Variants in FAF1 observed in about 807,000 individuals in gnomAD.
FAF1 encodes FAS-associated factor 1.
FAF1 carries 25 observed loss-of-function variants against 92.5 expected under a neutral mutation model. That is an observed-to-expected ratio of 0.27 (90% CI 0.20 to 0.38). FAF1 has a LOEUF of 0.38. FAF1 is among the 10% of genes least tolerant of loss of function. The pLI, the probability that FAF1 is intolerant of heterozygous loss-of-function variation, is 1.00. For missense variants in FAF1, 636 were observed against 793.3 expected, an observed-to-expected ratio of 0.80 and a Z score of 2.38; for synonymous variants, 234 against 273.2, an observed-to-expected ratio of 0.86 and a Z score of 1.42.
chr1:50,677,110 T>A (rs1043555659), intron 7 of FAF1, among the ~76,000 whole-genome samples: 1 of 152,210 alleles, frequency 6.6e-6, no homozygotes, highest in Non-Finnish European at 1.5e-5. Context: ...GAAAGAATAA[T>A]ATTATTAAGA....
intron 7 of FAF1, among the ~76,000 whole-genome samples, chr1:50,686,271 G>A (rs913890667): frequency 4.6e-5 from 7 of 152,032 alleles, no homozygotes; most frequent in South Asian, 2.1e-4. Flanking sequence ...AGCTGGGCCC[G>A]GTGGCTCATA....
At chr1:50,720,393 C>G (rs1449847247) in intron 6 of FAF1, among the ~76,000 whole-genome samples, 1 of 152,156 alleles carries the variant, frequency 6.6e-6, no homozygotes, top group Non-Finnish European at 1.5e-5. Context: ...TCACAATGTA[C>G]TTGAAATACT....
At chr1:50,795,126 G>A (rs1430571515) in intron 3 of FAF1, among the ~76,000 whole-genome samples, 2 of 152,082 alleles carry the variant, frequency 1.3e-5, no homozygotes, top group Non-Finnish European at 2.9e-5. Flanking sequence ...ACCACAACAT[G>A]GACTGCCCCT....
intron 1 of FAF1, among the ~76,000 whole-genome samples, chr1:50,937,369 AT>A (rs1645096131): frequency 6.6e-6 from 1 of 152,040 alleles, no homozygotes. Flanking sequence ...TAGGACTTAG[AT>A]AAGAGTTAAT....
intron 6 of FAF1, among the ~76,000 whole-genome samples, chr1:50,713,781 T>TA (rs1489569184): frequency 6.7e-6 from 1 of 149,750 alleles, no homozygotes; most frequent in South Asian, 2.2e-4. Context: ...AGCTTTTTTT[T>TA]TTTTTTTTTT....
At chr1:50,455,859 G>C (rs996293243) in intron 18 of FAF1, among the ~76,000 whole-genome samples, 3 of 151,976 alleles carry the variant, frequency 2.0e-5, no homozygotes, top group Admixed American at 1.3e-4. Context: ...CATCACTTGA[G>C]GTCAGGAGTT....
chr1:50,896,778 ATGGT>A (rs1644760771), intron 1 of FAF1, among the ~76,000 whole-genome samples: 1 of 152,206 alleles, frequency 6.6e-6, no homozygotes, highest in Admixed American at 6.5e-5. Flanking sequence ...CCGTCAGACA[ATGGT>A]GTGAGGGGCA....
At chr1:50,619,723 G>A (rs1331982931) in intron 8 of FAF1, among the ~76,000 whole-genome samples, 1 of 151,936 alleles carries the variant, frequency 6.6e-6, no homozygotes, top group Non-Finnish European at 1.5e-5. Context: ...ACATGCCTTG[G>A]GGATGGTCGT....
At chr1:50,561,844 T>A (rs370840376) in intron 13 of FAF1, among the ~76,000 whole-genome samples, 66 of 94,308 alleles carry the variant, frequency 7.0e-4, no homozygotes, top group African/African-American at 1.5e-3. Context: ...GATGGACGGA[T>A]GGACGGAAGG....
intron 4 of FAF1, among the ~76,000 whole-genome samples, chr1:50,774,132 T>A (rs895281196): frequency 6.6e-6 from 1 of 152,200 alleles, no homozygotes; most frequent in South Asian, 2.1e-4. Context: ...AGTTTGCAGG[T>A]AGACTAAACA....
chr1:50,579,318 T>C (rs1325371192), intron 12 of FAF1, among the ~76,000 whole-genome samples: 1 of 152,112 alleles, frequency 6.6e-6, no homozygotes, highest in Non-Finnish European at 1.5e-5. Context: ...TACAGAAGCT[T>C]TGGAAATGGG....
intron 13 of FAF1, among the ~76,000 whole-genome samples, chr1:50,543,054 T>C (rs555800352): frequency 6.6e-6 from 1 of 152,326 alleles, no homozygotes; most frequent in South Asian, 2.1e-4. Context: ...GAATATCTGA[T>C]GGTTAGCATG....
intron 6 of FAF1, among the ~76,000 whole-genome samples, chr1:50,718,889 C>A (rs1021599651): frequency 2.0e-5 from 3 of 152,086 alleles, no homozygotes; most frequent in African/African-American, 7.2e-5. Flanking sequence ...ATTTAAATTT[C>A]CATTCTAAAC....
In FAF1 at chr1:50,839,383, G is replaced by C. The variant is rs1381985877; in HGVS notation, c.114+18546C>G. ...TTTGTTTGATATGCAAAGAAGTCTG[G>C]TATTAATAGACTTTAGTCGCATTTC... is the stretch of plus-strand genomic sequence containing the variant. On this transcript the variant is annotated intron_variant, in intron 2 of 18. Transcript: ENST00000396153. Among the ~76,000 whole-genome samples the C allele has an allele frequency of 3.3e-5, 5 of 152,100 alleles. No individual in the cohort carries two copies. In the South Asian group the frequency reaches 1.0e-3, roughly 32 times the overall value.
chr1:50,738,839 TC>T (rs1460580405), intron 6 of FAF1, 23 bp downstream of exon 6: 23 of 1,451,560 alleles, frequency 1.6e-5, no homozygotes, highest in Non-Finnish European at 2.1e-5. Context: ...CATTTCATGT[TC>T]CCAGGAAATA....
At chr1:50,563,136 G>A (rs1212705844) in intron 13 of FAF1, among the ~76,000 whole-genome samples, 1 of 152,160 alleles carries the variant, frequency 6.6e-6, no homozygotes, top group Non-Finnish European at 1.5e-5. Flanking sequence ...ATCTGCAGGA[G>A]GTCCTGGAAC....
intron 4 of FAF1, among the ~76,000 whole-genome samples, chr1:50,763,107 A>T (rs1414207658): frequency 6.6e-6 from 1 of 152,050 alleles, no homozygotes; most frequent in African/African-American, 2.4e-5. Flanking sequence ...ATACAAAAAA[A>T]TTAGCTGGGG....
At chr1:50,904,934 T>C (rs1046136574) in intron 1 of FAF1, among the ~76,000 whole-genome samples, 4 of 151,954 alleles carry the variant, frequency 2.6e-5, no homozygotes, top group African/African-American at 9.7e-5. Context: ...TTGTGCACAA[T>C]GTGCAGGTTT....
rs528693342 is a variant in FAF1 at position 50,745,727 on chromosome 1, C to T, written c.368-952G>A. On this transcript the variant is annotated intron_variant, in intron 4 of 18. Transcript: ENST00000396153. ...CATGGAACAGTGAGACAATTAAACT[C>T]TTTTTCTTTACAAATTATCCAGTCT... Among the ~76,000 whole-genome samples, 140 of 152,242 alleles carry T rather than the reference C, an allele frequency of 9.2e-4. 1 individual carries two copies. Among genetic ancestry groups the T allele is most frequent in the African/African-American group, 3.3e-3 (139 of 41,560 alleles).
Sources: gnomAD v4.1 joint callset for allele counts (sites outside exome capture counted in the v4.1 genomes callset) on GRCh38, gnomAD v4.1.1 for gene constraint, MANE v1.5 for transcripts, NCBI Gene and HGNC (gene_info 2026-07-23, HGNC 2026-07-21) for gene names.